Variants in MYPN observed in about 807,000 individuals in gnomAD.
The protein encoded by MYPN is myopalladin.
A neutral mutation model predicts 129.4 loss-of-function variants in MYPN; 63 were observed. The ratio of observed to expected loss-of-function variants is 0.49; its 90% CI spans 0.40 to 0.60. The LOEUF (loss-of-function observed/expected upper bound fraction) is 0.60. MYPN is among the 20% of genes least tolerant of loss of function. The probability of loss-of-function intolerance (pLI) is 0.00; values close to 1 mark genes in which losing one functional copy is unlikely to be tolerated. For synonymous variants in MYPN, 629 were observed against 600.9 expected (o/e 1.05, Z -0.68); for missense variants, 1,596 against 1,635.4 (o/e 0.98, Z 0.42).
intron 6 of MYPN, among the ~76,000 whole-genome samples, chr10:68,153,424 A>G (rs1039765287): frequency 2.6e-5 from 4 of 152,214 alleles, no homozygotes; most frequent in African/African-American, 9.6e-5. Context: ...TGATAAATAA[A>G]AATAGGAAAA....
chr10:68,199,833 A>G (rs895804972), intron 17 of MYPN, among the ~76,000 whole-genome samples: 1 of 152,200 alleles, frequency 6.6e-6, no homozygotes, highest in Non-Finnish European at 1.5e-5. Flanking sequence ...TCAATCAATC[A>G]ATTAGCTGTC....
At chr10:68,175,630 C>T (rs1437887837) in intron 12 of MYPN, among the ~76,000 whole-genome samples, 169 bp downstream of exon 12, 1 of 152,162 alleles carries the variant, frequency 6.6e-6, no homozygotes, top group Non-Finnish European at 1.5e-5. Context: ...CTGTGTGGAT[C>T]TGCGGTTCGT....
At chr10:68,136,822 TTGTTTTA>T in intron 2 of MYPN, 1 of 1,330,476 alleles carries the variant, frequency 7.5e-7, no homozygotes, top group Non-Finnish European at 1.0e-6. Flanking sequence ...CTATTGATAT[TTGTTTTA>T]TCAAGTTAAT....
At chr10:68,147,321 A>AT (rs1353960435) in intron 4 of MYPN, among the ~76,000 whole-genome samples, 4 of 151,864 alleles carry the variant, frequency 2.6e-5, no homozygotes, top group Non-Finnish European at 5.9e-5. Context: ...TGCCTGGCTA[A>AT]TTTTTTTGTA....
In MYPN at chr10:68,175,241, A is replaced by C. The variant is rs1325010087; in HGVS notation, c.2565-82A>C. The C allele has an allele frequency of 2.0e-6, 3 of 1,510,132 alleles. No homozygotes were observed. In the African/African-American group the frequency reaches 4.1e-5, roughly 21 times the overall value. 93.5% of individuals were successfully genotyped at this position (1,510,132 alleles called of 1,614,324 possible). ...TAATGACCGCTGGTTTCTGGTTGTC[A>C]TTTCAACCACTCTGATTTCTAGGCC... On this transcript the variant is annotated intron_variant, in intron 11 of 19. Coordinates refer to ENST00000358913, the MANE Select transcript of MYPN (RefSeq NM_032578.4).
intron 12 of MYPN, among the ~76,000 whole-genome samples, chr10:68,183,178 C>G (rs975458304): frequency 1.3e-5 from 2 of 152,024 alleles, no homozygotes; most frequent in Non-Finnish European, 2.9e-5. Context: ...TATTTCTCTG[C>G]GGCCAGGCAC....
At position 68,165,292 on chromosome 10, in the gene MYPN, A is replaced by G. The variant is rs1373970397; in HGVS notation, c.1484-410A>G. Among the ~76,000 whole-genome samples, 4 of 152,318 alleles carry G rather than the reference A, an allele frequency of 2.6e-5. No homozygotes were observed. In the East Asian group the frequency reaches 7.7e-4, roughly 29 times the overall value. On this transcript the variant is annotated intron_variant, in intron 8 of 19. Transcript: ENST00000358913. ...CATGGCAAAACCCTATCTCTACTAA[A>G]AATACAAAAATTAGCCGGGCTTGGT...
intron 3 of MYPN, among the ~76,000 whole-genome samples, chr10:68,143,646 G>A (rs2042612315): frequency 6.6e-6 from 1 of 152,194 alleles, no homozygotes; most frequent in South Asian, 2.1e-4. Context: ...AAAAGTCCTT[G>A]TAGGTCATTG....
intron 17 of MYPN, among the ~76,000 whole-genome samples, chr10:68,201,271 T>A (rs530022802): frequency 6.6e-6 from 1 of 152,352 alleles, no homozygotes; most frequent in East Asian, 1.9e-4. Context: ...TTGCCTCTCG[T>A]GGGATGTGCA....
In MYPN at chr10:68,174,517, C is replaced by A. The variant is rs763632315; in HGVS notation, c.2425C>A (p.Pro809Thr). 1.2e-6 allele frequency: 2 copies of A among 1,613,964 alleles called. No individual in the cohort carries two copies. The highest frequency in any genetic ancestry group is 2.2e-5 in the East Asian group (1 of 44,888). Residue 809 changes from proline to threonine, a missense_variant, in exon 11 of 20, where the codon CCC (proline) becomes ACC (threonine). Transcript: ENST00000358913. ...CATCCCCAGCGGAAACCAGTTTCAG[C>A]CCCGCTGTGTGTCCCCAATTCCTGT... Reference protein sequence around the residue: ...FSIPSGNQFQPRCVSPIPVSP... With the variant: ...FSIPSGNQFQTRCVSPIPVSP...
chr10:68,169,796 C>G (rs12358937), intron 10 of MYPN, among the ~76,000 whole-genome samples: 61,815 of 151,284 alleles, frequency 0.41, 14,145 homozygotes, highest in Non-Finnish European at 0.52. Context: ...CTGGAGTGCA[C>G]TGGCGTGATC....
At chr10:68,103,220 T>C (rs2041990492), upstream of MYPN, among the ~76,000 whole-genome samples, 1 of 152,196 alleles carries the variant, frequency 6.6e-6, no homozygotes, top group South Asian at 2.1e-4. Flanking sequence ...AAGATACAAA[T>C]TTCTTTTGAA....
intron 2 of MYPN, among the ~76,000 whole-genome samples, chr10:68,131,429 T>G (rs1217820540): frequency 2.0e-5 from 3 of 149,872 alleles, no homozygotes; most frequent in East Asian, 2.0e-4. Flanking sequence ...ACTAATAAGA[T>G]TTTTGGAATT....
chr10:68,136,012 C>T (rs529741789), intron 2 of MYPN, among the ~76,000 whole-genome samples: 1 of 152,216 alleles, frequency 6.6e-6, no homozygotes, highest in Non-Finnish European at 1.5e-5. Flanking sequence ...TTTTAACAAG[C>T]GTTATTACTG....
chr10:68,088,319 A>G (rs2041916082), intron 1 of MYPN, among the ~76,000 whole-genome samples: 1 of 152,204 alleles, frequency 6.6e-6, no homozygotes, highest in Non-Finnish European at 1.5e-5. Context: ...CAAGCAATGT[A>G]AAGAAACTGC....
intron 2 of MYPN, among the ~76,000 whole-genome samples, chr10:68,131,764 T>C (rs1174244794): frequency 6.6e-6 from 1 of 152,228 alleles, no homozygotes; most frequent in Non-Finnish European, 1.5e-5. Flanking sequence ...GCTTTATTCA[T>C]AGGCATCTCA....
chr10:68,171,370 C>A (rs1002961515), intron 10 of MYPN, among the ~76,000 whole-genome samples: 5 of 152,142 alleles, frequency 3.3e-5, no homozygotes, highest in African/African-American at 1.2e-4. Flanking sequence ...CTGTGAGAAT[C>A]ACCTGGGGCT....
At chr10:68,106,862 A>AG (rs2042018279), upstream of MYPN, 1 of 713,090 alleles carries the variant, frequency 1.4e-6, no homozygotes, top group South Asian at 1.5e-5. Flanking sequence ...AGGCAAGCAC[A>AG]GGATCGTGTT....
chr10:68,109,409 C>T, upstream of MYPN: 1 of 423,442 alleles, frequency 2.4e-6, no homozygotes, highest in South Asian at 1.7e-5. Context: ...AATCCCTTTG[C>T]TCAGTTTTCT....
Sources: allele counts gnomAD v4.1 joint callset (sites outside exome capture counted in the v4.1 genomes callset), GRCh38; gene constraint gnomAD v4.1.1; transcripts MANE v1.5; gene names NCBI Gene and HGNC (gene_info 2026-07-23, HGNC 2026-07-21).